The following HSF2BP variants were observed in gnomAD, a reference collection of about 807,000 sequenced individuals.
HSF2BP encodes heat shock transcription factor 2 binding protein, also known as heat shock factor 2-binding protein.
A neutral mutation model predicts 35.0 loss-of-function variants in HSF2BP; 35 were observed. The ratio of observed to expected loss-of-function variants is 1.00; its 90% CI spans 0.76 to 1.32. The LOEUF (loss-of-function observed/expected upper bound fraction) is 1.32. HSF2BP is among the 40% of genes most tolerant of loss of function. HSF2BP has a pLI of 0.00. For synonymous variants in HSF2BP, 114 were observed against 117.4 expected, an observed-to-expected ratio of 0.97 and a Z score of 0.18; for missense variants, 326 against 321.7, an observed-to-expected ratio of 1.01 and a Z score of -0.10.
intron 8 of HSF2BP, among the ~76,000 whole-genome samples, chr21:43,574,576 C>T (rs1281255491): frequency 6.6e-6 from 1 of 152,152 alleles, no homozygotes; most frequent in Non-Finnish European, 1.5e-5. Context: ...CCAGGATGGT[C>T]TCGATCTCCT....
At chr21:43,586,613 A>G (rs2081854446) in intron 8 of HSF2BP, among the ~76,000 whole-genome samples, 1 of 152,166 alleles carries the variant, frequency 6.6e-6, no homozygotes, top group East Asian at 1.9e-4. Flanking sequence ...AGAAATTCTC[A>G]TTTTATACAT....
chr21:43,627,974 G>A (rs990815656), intron 6 of HSF2BP, among the ~76,000 whole-genome samples: 5 of 152,118 alleles, frequency 3.3e-5, no homozygotes, highest in Non-Finnish European at 5.9e-5. Context: ...AGGGCACCAT[G>A]AGCCACACCC....
intron 7 of HSF2BP, among the ~76,000 whole-genome samples, chr21:43,606,341 T>G (rs2082135126): frequency 6.6e-6 from 1 of 152,134 alleles, no homozygotes; most frequent in South Asian, 2.1e-4. Flanking sequence ...GCTGGGCTGA[T>G]CCAAGGTTGA....
chr21:43,636,200 AAAAG>A (rs1250239994), intron 4 of HSF2BP, among the ~76,000 whole-genome samples: 3 of 128,290 alleles, frequency 2.3e-5, no homozygotes, highest in African/African-American at 7.5e-5. Context: ...AGAAAGAAAA[AAAAG>A]AAAGAAAAGA....
At chr21:43,600,686 G>T (rs1002893451) in intron 7 of HSF2BP, among the ~76,000 whole-genome samples, 10 of 152,138 alleles carry the variant, frequency 6.6e-5, no homozygotes, top group Admixed American at 5.9e-4. Flanking sequence ...ATGTCAATTT[G>T]TATCTATTAT....
chr21:43,632,079 C>CAT lies in HSF2BP; in HGVS notation c.441+1192_441+1193insAT, dbSNP rs1289083781. On this transcript the variant is annotated intron_variant, in intron 5 of 8. Coordinates refer to ENST00000291560, the MANE Select transcript of HSF2BP (RefSeq NM_007031.2). ...CCCCACACACGCTCCCACATACACA[C>CAT]GCTCCCACACACACACACGCTCTCC... is the stretch of plus-strand genomic sequence containing the variant. Among the ~76,000 whole-genome samples, 67 of 21,356 alleles carry CAT rather than the reference C, an allele frequency of 3.1e-3. 1 individual carries two copies. The highest frequency in any genetic ancestry group is 0.01 in the African/African-American group (65 of 6,226). 14.0% of individuals were successfully genotyped at this position (21,356 alleles called of 152,430 possible).
rs186297303 is a variant in HSF2BP at position 43,640,458 on chromosome 21, A to G, written c.291+3831T>C. On this transcript the variant is annotated intron_variant, in intron 4 of 8. Coordinates refer to ENST00000291560, the MANE Select transcript of HSF2BP (RefSeq NM_007031.2). The stretch of plus-strand genomic sequence containing the variant: ...GGTAGCACCAAGGAGCCTTACGGCA[A>G]TGGTACAGTTCCAAGTGTGGTGGTG... 4.1e-3 allele frequency among the ~76,000 whole-genome samples: 621 copies of G among 152,374 alleles called. 8 individuals carry two copies. Among genetic ancestry groups the G allele is most frequent in the African/African-American group, 0.014 (587 of 41,584 alleles).
rs141718996 is a variant in HSF2BP at position 43,613,841 on chromosome 21, G to C, written c.681C>G (p.Thr227=). ...LLGDLKPGQC[T]KLKVLMLMSL... is the part of the protein sequence containing the mutation. ...ATTATCCACCATACACTTTGAGTTT[G>C]GTACACTGTCCTGGCTTCAAGTCTC... Residue 227 remains threonine (T), a synonymous_variant, in exon 7 of 9, where the codon ACC becomes ACG. Transcript: ENST00000291560. 1 of 1,609,204 alleles carries C rather than the reference G, an allele frequency of 6.2e-7. No individual in the cohort carries two copies. The highest frequency in any genetic ancestry group is 1.3e-5 in the African/African-American group (1 of 74,796).
At chr21:43,591,168 AT>A (rs1464148037) in intron 8 of HSF2BP, among the ~76,000 whole-genome samples, 10 of 152,236 alleles carry the variant, frequency 6.6e-5, no homozygotes, top group African/African-American at 2.2e-4. Flanking sequence ...AGTGTTAAAA[AT>A]TATGATGAAA....
At chr21:43,652,263 C>T (rs145345500) in intron 3 of HSF2BP, among the ~76,000 whole-genome samples, 6,203 of 151,958 alleles carry the variant, frequency 0.041, 427 homozygotes, top group African/African-American at 0.14. Flanking sequence ...ATTAGCCAGG[C>T]GTGATGGCAG....
At chr21:43,619,101 C>T (rs942197181) in intron 6 of HSF2BP, among the ~76,000 whole-genome samples, 1 of 152,122 alleles carries the variant, frequency 6.6e-6, no homozygotes, top group Non-Finnish European at 1.5e-5. Flanking sequence ...GCCTGCACCG[C>T]CACACCCAGC....
rs745979896 is a variant in HSF2BP, at chr21:43,630,309, C to T, written c.574+13G>A. 34 of 1,605,864 alleles carry T rather than the reference C, an allele frequency of 2.1e-5. No individual in the cohort carries two copies. Among genetic ancestry groups the T allele is most frequent in the Non-Finnish European group, 2.8e-5 (33 of 1,176,276 alleles). On this transcript the variant is annotated intron_variant, in intron 6 of 8. Transcript: ENST00000291560. The stretch of plus-strand genomic sequence containing the variant: ...GCAAACAGGCAACATCTCTCAGGTG[C>T]GCCTGCACTTACTCGTGACAATTCC...
rs1226756513 is a variant in HSF2BP, at chr21:43,633,434, C to A, written c.292-13G>T. The A allele has an allele frequency of 6.3e-7, 1 of 1,595,716 alleles. No homozygotes were observed. Among genetic ancestry groups the A allele is most frequent in the African/African-American group, 1.4e-5 (1 of 74,016 alleles). On this transcript the variant is annotated splice_polypyrimidine_tract_variant and intron_variant, in intron 4 of 8. Coordinates refer to ENST00000291560, the MANE Select transcript of HSF2BP (RefSeq NM_007031.2). ...GAGCCAGTTTCTCCTAAAAGCAAAA[C>A]AAAATTGAAAAATAAATAATAGCAT...
At chr21:43,657,821 T>C (rs2082896571) in intron 2 of HSF2BP, 1 of 984,958 alleles carries the variant, frequency 1.0e-6, no homozygotes, top group South Asian at 4.7e-5. Context: ...CGCCACTGAG[T>C]GCCCCCACCA....
At position 43,625,554 on chromosome 21, in the gene HSF2BP, TA is replaced by T. The variant is rs1008659834; in HGVS notation, c.574+4767del. 3.4e-3 allele frequency among the ~76,000 whole-genome samples: 492 copies of T among 145,202 alleles called. 1 individual carries two copies. Among genetic ancestry groups the T allele is most frequent in the Non-Finnish European group, 5.2e-3 (339 of 65,702 alleles). ...AAATTTACAGAACTGCAAAAAGGTT[TA>T]AAAAAAAAAACTAAAGAATGAATTC... On this transcript the variant is annotated intron_variant, in intron 6 of 8. Transcript: ENST00000291560.
intron 7 of HSF2BP, among the ~76,000 whole-genome samples, chr21:43,594,502 T>C (rs563913624): frequency 6.6e-5 from 10 of 152,312 alleles, no homozygotes; most frequent in African/African-American, 1.9e-4. Flanking sequence ...CTTTCAAGTA[T>C]ACCAAATACA....
At position 43,652,400 on chromosome 21, in the gene HSF2BP, C is replaced by CAA. The variant is rs35714746; in HGVS notation, c.187+4185_187+4186dup. Reference sequence around the variant, plus strand: ...CCTGGGAGACAGAGCCAGACACCATCAAAAAAAAAAAAAAAAAAAACAACT... The same window carrying CAA: ...CCTGGGAGACAGAGCCAGACACCATCAAAAAAAAAAAAAAAAAAAAAACAACT... On this transcript the variant is annotated intron_variant, in intron 3 of 8. Coordinates refer to ENST00000291560, the MANE Select transcript of HSF2BP (RefSeq NM_007031.2). 2.1e-3 allele frequency among the ~76,000 whole-genome samples: 186 copies of CAA among 89,300 alleles called. 2 individuals carry two copies. Among genetic ancestry groups the CAA allele is most frequent in the African/African-American group, 6.7e-3 (158 of 23,596 alleles). The allele number at this position is 89,300 out of a possible 152,430, so 58.6% of individuals were successfully genotyped here. A position where few individuals can be genotyped will look rare whatever the true frequency, so the allele number is the denominator to read the frequency against.
intron 8 of HSF2BP, among the ~76,000 whole-genome samples, chr21:43,582,998 A>G (rs1196123862): frequency 1.6e-3 from 9 of 5,732 alleles, no homozygotes; most frequent in Admixed American, 4.7e-3. Flanking sequence ...ACCTGCTGAG[A>G]GAGATGAAGG....
At chr21:43,657,799 T>C (rs533357120) in intron 2 of HSF2BP, 601 of 979,770 alleles carry the variant, frequency 6.1e-4, no homozygotes, top group Admixed American at 1.7e-3. Flanking sequence ...CACGCTCCCA[T>C]GCCCGCTTTG....
Sources: gnomAD v4.1 joint callset for allele counts (sites outside exome capture counted in the v4.1 genomes callset) on GRCh38, gnomAD v4.1.1 for gene constraint, MANE v1.5 for transcripts, NCBI Gene and HGNC (gene_info 2026-07-23, HGNC 2026-07-21) for gene names.